Variants in ZNF503 observed in about 807,000 individuals in gnomAD.
ZNF503 encodes zinc finger protein 503.
In ZNF503, 15 loss-of-function variants were observed where a neutral mutation model predicts 34.4. The observed-to-expected ratio is 0.44, with a 90% CI of 0.29 to 0.67. The LOEUF is 0.67. Ranked by LOEUF, ZNF503 falls within the 30% of genes least tolerant of loss-of-function variation. The probability of loss-of-function intolerance (pLI) is 0.13; values close to 1 mark genes in which losing one functional copy is unlikely to be tolerated. For synonymous variants in ZNF503, 580 were observed against 456.8 expected (o/e 1.27, Z -3.44); for missense variants, 1,007 against 926.8 (o/e 1.09, Z -1.12).
the ZNF503 span, among the ~76,000 whole-genome samples, chr10:75,362,844 C>T: frequency 2.6e-5 from 4 of 152,224 alleles, no homozygotes; most frequent in South Asian, 4.2e-4. Flanking sequence ...AGCTGGGAAT[C>T]GAGGCTCCCC....
the ZNF503 span, among the ~76,000 whole-genome samples, chr10:75,284,430 G>T: frequency 6.6e-6 from 1 of 151,926 alleles, no homozygotes; most frequent in Non-Finnish European, 1.5e-5. Context: ...GTACTGGGTT[G>T]GGGGAAGGGG....
chr10:75,379,192 A>G, the ZNF503 span, among the ~76,000 whole-genome samples: 2 of 152,196 alleles, frequency 1.3e-5, no homozygotes, highest in Non-Finnish European at 2.9e-5. Context: ...AATTATTTGT[A>G]ATAGCAGCCT....
the ZNF503 span, among the ~76,000 whole-genome samples, chr10:75,354,115 A>T: frequency 6.6e-6 from 1 of 152,206 alleles, no homozygotes; most frequent in South Asian, 2.1e-4. Context: ...TAACTTGCTG[A>T]TGCTCAGAAT....
At chr10:75,295,881 G>A in the ZNF503 span, among the ~76,000 whole-genome samples, 1 of 152,142 alleles carries the variant, frequency 6.6e-6, no homozygotes, top group Non-Finnish European at 1.5e-5. The surrounding 1 kb of genome is among the most constrained non-coding windows in gnomAD (Gnocchi z 4.0). Context: ...CATGGAAGGG[G>A]GGAGAGAGAG....
the ZNF503 span, among the ~76,000 whole-genome samples, chr10:75,370,165 G>C: frequency 1.3e-5 from 2 of 152,054 alleles, no homozygotes; most frequent in African/African-American, 4.8e-5. Context: ...GTTAATTTCT[G>C]TAACATTTTA....
the ZNF503 span, among the ~76,000 whole-genome samples, chr10:75,363,488 A>G: frequency 6.6e-6 from 1 of 152,164 alleles, no homozygotes; most frequent in Non-Finnish European, 1.5e-5. Flanking sequence ...CCACGTGGAA[A>G]TGCTGGCATT....
the ZNF503 span, among the ~76,000 whole-genome samples, chr10:75,378,713 G>A: frequency 6.6e-6 from 1 of 152,092 alleles, no homozygotes; most frequent in Admixed American, 6.6e-5. Flanking sequence ...AAATACATTT[G>A]GAGTTTGAAG....
chr10:75,326,434 G>T, the ZNF503 span, among the ~76,000 whole-genome samples: 1 of 151,818 alleles, frequency 6.6e-6, no homozygotes, highest in African/African-American at 2.4e-5. Context: ...TTCAACTTTT[G>T]CTTGGCTGGA....
chr10:75,368,700 C>T, the ZNF503 span, among the ~76,000 whole-genome samples: 171 of 152,268 alleles, frequency 1.1e-3, 2 homozygotes, highest in South Asian at 0.014. Flanking sequence ...TCACAGAGAT[C>T]CCTGCATTGG....
At chr10:75,379,073 G>A in the ZNF503 span, among the ~76,000 whole-genome samples, 5 of 152,194 alleles carry the variant, frequency 3.3e-5, no homozygotes, top group African/African-American at 7.2e-5. Flanking sequence ...TTGTCCTCCC[G>A]TTCCTATTAA....
the ZNF503 span, among the ~76,000 whole-genome samples, chr10:75,291,446 T>C: frequency 2.3e-4 from 35 of 152,212 alleles, no homozygotes; most frequent in Admixed American, 1.2e-3. Context: ...ACCCCATCTC[T>C]ACTAAAAACA....
chr10:75,330,783 T>G, the ZNF503 span, among the ~76,000 whole-genome samples: 1 of 152,134 alleles, frequency 6.6e-6, no homozygotes, highest in Non-Finnish European at 1.5e-5. Flanking sequence ...TCAATTTATG[T>G]TTTTAAAAAA....
the ZNF503 span, among the ~76,000 whole-genome samples, chr10:75,334,203 CG>C: frequency 2.7e-5 from 4 of 150,866 alleles, no homozygotes; most frequent in African/African-American, 7.3e-5. Flanking sequence ...TCCTTGCCCT[CG>C]GGCCCCGCGG....
chr10:75,398,905 C>G lies in ZNF503; in HGVS notation c.1785G>C (p.Ala595=), dbSNP rs774971067. 6.4e-7 allele frequency: 1 copy of G among 1,557,276 alleles called. No individual in the cohort carries two copies. The highest frequency in any genetic ancestry group is 8.7e-7 in the Non-Finnish European group (1 of 1,154,934). The change falls in exon 2 of 2, where the codon GCG becomes GCC. Residue 595 remains alanine (A), a synonymous_variant. Transcript: ENST00000372524. ...GTLALRSPHH[A]LGLSSRYHPY... is the part of the protein sequence containing the mutation. ...GGTGGTAGCGGCTGCTGAGTCCCAG[C>G]GCGTGGTGGGGGCTGCGCAGCGCCA...
the ZNF503 span, among the ~76,000 whole-genome samples, chr10:75,347,783 C>T: frequency 6.6e-6 from 1 of 152,248 alleles, no homozygotes; most frequent in African/African-American, 2.4e-5. Context: ...CTTAAAAGTC[C>T]TCCCAAATAA....
At chr10:75,306,838 G>A in the ZNF503 span, among the ~76,000 whole-genome samples, 7 of 152,256 alleles carry the variant, frequency 4.6e-5, no homozygotes, top group South Asian at 8.3e-4. Context: ...TTTAGGCACC[G>A]TGAACCACGC....
chr10:75,339,705 A>G, the ZNF503 span, among the ~76,000 whole-genome samples: 1 of 152,142 alleles, frequency 6.6e-6, no homozygotes, highest in Non-Finnish European at 1.5e-5. Flanking sequence ...CCCTGGGGGA[A>G]AAGTAGATTG....
chr10:75,324,328 G>GTTT, the ZNF503 span, among the ~76,000 whole-genome samples: 2 of 148,062 alleles, frequency 1.4e-5, no homozygotes, highest in East Asian at 3.9e-4. Flanking sequence ...TTGTTTTTCT[G>GTTT]TTTTTTTTTT....
chr10:75,280,465 GT>G, the ZNF503 span: 4 of 152,222 alleles, frequency 2.6e-5, no homozygotes, highest in Non-Finnish European at 4.4e-5. Context: ...AGAGTGGCGT[GT>G]TTTGCTGCTG....
Sources: allele counts gnomAD v4.1 joint callset (sites outside exome capture counted in the v4.1 genomes callset), GRCh38; gene constraint gnomAD v4.1.1; non-coding constraint Gnocchi (gnomAD v3.1); transcripts MANE v1.5; gene names NCBI Gene and HGNC (gene_info 2026-07-23, HGNC 2026-07-21).